PRAMEF2: variants seen among roughly 807,000 people sequenced by gnomAD.
The protein encoded by PRAMEF2 is PRAME family member 2.
Under a neutral mutation model 38.0 loss-of-function variants are expected in PRAMEF2, and 35 were observed. The observed-to-expected ratio is 0.92, with a 90% CI of 0.70 to 1.22. PRAMEF2 has a LOEUF of 1.22. Among genes scored for constraint, PRAMEF2 ranks in the 50% most tolerant of loss-of-function variants. The pLI is 0.00. For missense variants in PRAMEF2, 562 were observed against 553.9 expected, an observed-to-expected ratio of 1.01 and a Z score of -0.15; for synonymous variants, 240 against 232.4, an observed-to-expected ratio of 1.03 and a Z score of -0.30.
intron 3 of PRAMEF2, among the ~76,000 whole-genome samples, chr1:12,860,829 G>T (rs1443625972): frequency 6.7e-6 from 1 of 150,098 alleles, no homozygotes; most frequent in Non-Finnish European, 1.5e-5. Flanking sequence ...CAGTTGGTTT[G>T]CAGATGCAGG....
In PRAMEF2 at chr1:12,861,498, T is replaced by A; in HGVS notation, c.1144T>A (p.Phe382Ile). 1 of 1,606,132 alleles carries A rather than the reference T, an allele frequency of 6.2e-7. No homozygotes were observed. The highest frequency in any genetic ancestry group is 2.2e-5 in the East Asian group (1 of 44,748). Residue 382 changes from phenylalanine to isoleucine, a missense_variant, in exon 4 of 4, where the codon TTC becomes ATC. By Grantham distance (21) the Phe-to-Ile change is conservative. This residue lies in a region of PRAMEF2 where 486 missense variants were observed against 444.2 expected (regional missense o/e 1.09). Coordinates refer to ENST00000240189, the MANE Select transcript of PRAMEF2 (RefSeq NM_023014.1). The part of the protein sequence containing the change: ...GLSCCSQLTT[F>I]YFGSNCMSID... ...GAGCTGCTGCTCCCAGCTCACCACC[T>A]TCTACTTTGGCAGCAATTGCATGTC...
Position 12,860,012 on chromosome 1 carries a change from T to A in PRAMEF2, c.607T>A (p.Tyr203Asn). ...TCTCAGAAAGTCATTGAAAATAATA[T>A]ACATTAATAGTATTGGGGAGCTGGA... ...KYLRKSLKII[Y>N]INSIGELEIH... The change falls in exon 3 of 4, where the codon TAC (tyrosine) becomes AAC (asparagine). Residue 203 changes from tyrosine to asparagine, a missense_variant. By Grantham distance (143) the Tyr-to-Asn change is moderately radical. Transcript: ENST00000240189. 1.2e-6 allele frequency: 2 copies of A among 1,601,768 alleles called. No individual in the cohort carries two copies. Among genetic ancestry groups the A allele is most frequent in the Non-Finnish European group, 8.5e-7 (1 of 1,173,556 alleles).
Position 12,859,676 on chromosome 1 carries a change from C to T in PRAMEF2, c.288-17C>T, listed in dbSNP as rs1557628115. On this transcript the variant is annotated splice_polypyrimidine_tract_variant and intron_variant, in intron 2 of 3. Coordinates refer to ENST00000240189, the MANE Select transcript of PRAMEF2 (RefSeq NM_023014.1). ...AGTCCCTCTAAATTCTGAGCCTCTCCCTTACTTTACCCACAGGAGGTGGAA... is the reference window on the plus strand; with the variant it reads ...AGTCCCTCTAAATTCTGAGCCTCTCTCTTACTTTACCCACAGGAGGTGGAA... 3 of 1,605,666 alleles carry T rather than the reference C, an allele frequency of 1.9e-6. No homozygotes were observed. Among genetic ancestry groups the T allele is most frequent in the South Asian group, 2.2e-5 (2 of 90,778 alleles).
chr1:12,861,669 T>A lies in PRAMEF2; in HGVS notation c.1315T>A (p.Cys439Ser). Residue 439 changes from cysteine (C) to serine (S), a missense_variant, in exon 4 of 4, where the codon TGT becomes AGT. Physicochemically the swap from Cys to Ser is moderately radical, Grantham distance 112. Transcript: ENST00000240189. ...IFTPLRAELM[C>S]TLREFRQPKR... ...CACCCCACTTCGGGCTGAGCTGATG[T>A]GTACACTGAGGGAATTCAGGCAGCC... 6.3e-7 allele frequency: 1 copy of A among 1,580,492 alleles called. No individual in the cohort carries two copies. Among genetic ancestry groups the A allele is most frequent in the Non-Finnish European group, 8.6e-7 (1 of 1,159,566 alleles).
At chr1:12,860,705 T>C (rs60803192) in intron 3 of PRAMEF2, among the ~76,000 whole-genome samples, 6,773 of 149,492 alleles carry the variant, frequency 0.045, 106 homozygotes, top group East Asian at 0.22. Context: ...GATCCTGTCT[T>C]TAATTCCCTG....
At position 12,859,189 on chromosome 1, in the gene PRAMEF2, T is replaced by C. The variant is rs772704873; in HGVS notation, c.180T>C (p.Pro60=). 18 of 1,609,436 alleles carry C rather than the reference T, an allele frequency of 1.1e-5. No homozygotes were observed. The highest frequency in any genetic ancestry group is 2.7e-5 in the African/African-American group (2 of 74,438). Residue 60 remains proline (P), a synonymous_variant, in exon 2 of 4, where the codon CCT becomes CCC. Coordinates refer to ENST00000240189, the MANE Select transcript of PRAMEF2 (RefSeq NM_023014.1). ...QTLTVMVQAW[P]FTCLPLVSLM... ...TGACGGTGATGGTGCAGGCCTGGCC[T>C]TTCACCTGCCTCCCTCTGGTATCGC... is the stretch of plus-strand genomic sequence containing the variant.
At chr1:12,858,821 C>A (rs200470415) in intron 1 of PRAMEF2, among the ~76,000 whole-genome samples, 164 bp from the exon 2 acceptor site, 2 of 132,532 alleles carry the variant, frequency 1.5e-5, no homozygotes, top group Non-Finnish European at 1.7e-5. Flanking sequence ...TTCCTGGTAC[C>A]AGCAGAAGCA....
In PRAMEF2 at chr1:12,861,801, A is replaced by T; in HGVS notation, c.*22A>T. On this transcript the variant is annotated 3_prime_UTR_variant, in exon 4 of 4. Transcript: ENST00000240189. ...CTAGGGAAGGCGTGCCCAGTGGGGT[A>T]GAGAAATCCAAAGTTCTCTTCCAGG... 2 of 1,576,968 alleles carry T rather than the reference A, an allele frequency of 1.3e-6. No homozygotes were observed. The highest frequency in any genetic ancestry group is 8.6e-7 in the Non-Finnish European group (1 of 1,160,804).
intron 1 of PRAMEF2, among the ~76,000 whole-genome samples, chr1:12,857,454 A>G (rs1246810861): frequency 6.8e-6 from 1 of 146,490 alleles, no homozygotes; most frequent in African/African-American, 2.5e-5. Flanking sequence ...CCTTTCAATT[A>G]CAGTTCATAG....
At position 12,860,023 on chromosome 1, in the gene PRAMEF2, T is replaced by A. The variant is rs1285958565; in HGVS notation, c.618T>A (p.Ser206Arg). The A allele has an allele frequency of 3.1e-6, 5 of 1,606,694 alleles. No individual in the cohort carries two copies. Among genetic ancestry groups the A allele is most frequent in the African/African-American group, 2.7e-5 (2 of 74,282 alleles). Residue 206 changes from serine (S) to arginine (R), a missense_variant, in exon 3 of 4, where the codon AGT (serine) becomes AGA (arginine). By Grantham distance (110) the Ser-to-Arg change is moderately radical (BLOSUM62 -1). Around this residue, in one of 2 missense-constraint regions of PRAMEF2, gnomAD observed 486 missense variants for 444.2 expected, o/e 1.09. Transcript: ENST00000240189. The part of the protein sequence containing the change: ...RKSLKIIYIN[S>R]IGELEIHNTC... ...CATTGAAAATAATATACATTAATAG[T>A]ATTGGGGAGCTGGAAATTCACAACA...
At chr1:12,858,954 G>A (rs1406836726) in intron 1 of PRAMEF2, 31 bp from the exon 2 acceptor site, 2 of 1,576,678 alleles carry the variant, frequency 1.3e-6, no homozygotes, top group Admixed American at 3.7e-5. Context: ...TGCCCTGAGA[G>A]TGATACATTC....
Position 12,861,219 on chromosome 1 carries a change from A to G in PRAMEF2, c.867-2A>G. 6.2e-7 allele frequency: 1 copy of G among 1,606,072 alleles called. No individual in the cohort carries two copies. Among genetic ancestry groups the G allele is most frequent in the Admixed American group, 1.7e-5 (1 of 58,234 alleles). On this transcript the variant is annotated splice_acceptor_variant, in intron 3 of 3. Transcript: ENST00000240189. LOFTEE classifies it high-confidence loss of function. Reference sequence around the variant, plus strand: ...CCAGAACTAACTTCTTGATCTCCACAGGTGCCTCCAGAACCCCTTGGAGAA... The same window carrying G: ...CCAGAACTAACTTCTTGATCTCCACGGGTGCCTCCAGAACCCCTTGGAGAA...
Position 12,860,677 on chromosome 1 carries a change from G to A in PRAMEF2, c.866+406G>A, listed in dbSNP as rs1266740732. The stretch of plus-strand genomic sequence containing the variant: ...TCACAATAGAACGTCTGTCCTCACC[G>A]GCTTAGTGATCACGAATGATCCTGT... On this transcript the variant is annotated intron_variant, in intron 3 of 3. Transcript: ENST00000240189. Among the ~76,000 whole-genome samples, 5 of 150,114 alleles carry A rather than the reference G, an allele frequency of 3.3e-5. 1 individual carries two copies. Among genetic ancestry groups the A allele is most frequent in the South Asian group, 2.1e-4 (1 of 4,672 alleles).
Position 12,858,891 on chromosome 1 carries a change from A to C in PRAMEF2, c.-25-94A>C, listed in dbSNP as rs753055723. The C allele has an allele frequency of 4.4e-4, 624 of 1,407,844 alleles. 9 individuals carry two copies. Among genetic ancestry groups the C allele is most frequent in the Non-Finnish European group, 5.4e-4 (564 of 1,038,044 alleles). 87.2% of individuals were successfully genotyped at this position (1,407,844 alleles called of 1,614,324 possible). The stretch of plus-strand genomic sequence containing the variant: ...ATTGGGGTAAAGTGGTAATTTTTCT[A>C]CCTCTACCAGAGCAATGATATTGGT... On this transcript the variant is annotated intron_variant, in intron 1 of 3. Coordinates refer to ENST00000240189, the MANE Select transcript of PRAMEF2 (RefSeq NM_023014.1).
chr1:12,859,409 C>T (rs200583219), intron 2 of PRAMEF2, 113 bp downstream of exon 2: 32,653 of 1,520,768 alleles, frequency 0.021, 620 homozygotes, highest in South Asian at 0.038. Flanking sequence ...ATGGTGTTGG[C>T]GAGGAAGCTC....
Position 12,860,269 on chromosome 1 carries a change from C to T in PRAMEF2, c.864C>T (p.Ile288=), listed in dbSNP as rs758739966. The T allele has an allele frequency of 1.2e-6, 2 of 1,606,774 alleles. No homozygotes were observed. Among genetic ancestry groups the T allele is most frequent in the East Asian group, 2.2e-5 (1 of 44,704 alleles). The change falls in exon 3 of 4, where the codon ATC becomes ATT. Residue 288 remains isoleucine, a splice_region_variant and synonymous_variant. Coordinates refer to ENST00000240189, the MANE Select transcript of PRAMEF2 (RefSeq NM_023014.1). ...TCAGTGGGCACCTGGAACAGCTGAT[C>T]AGGTGAGAAAGGATTGTGCACTTTG... ...TFFSGHLEQL[I]RCLQNPLENL...
chr1:12,858,891 A>G (rs753055723), intron 1 of PRAMEF2, 94 bp from the exon 2 acceptor site: 3 of 1,407,952 alleles, frequency 2.1e-6, no homozygotes, highest in Middle Eastern at 2.6e-4. Flanking sequence ...TAATTTTTCT[A>G]CCTCTACCAG....
At chr1:12,859,647 G>T (rs779886267) in intron 2 of PRAMEF2, 46 bp from the exon 3 acceptor site, 8 of 1,604,092 alleles carry the variant, frequency 5.0e-6, no homozygotes, top group Non-Finnish European at 6.8e-6. Context: ...AAAGGTCAGG[G>T]ATGAGTCCCT....
chr1:12,859,547 A>C, intron 2 of PRAMEF2, 146 bp from the exon 3 acceptor site: 1 of 1,480,038 alleles, frequency 6.8e-7, no homozygotes, highest in Non-Finnish European at 9.1e-7. Context: ...GACCACTCAG[A>C]ATCCAAAGGG....
Sources: allele counts gnomAD v4.1 joint callset (sites outside exome capture counted in the v4.1 genomes callset), GRCh38; gene constraint gnomAD v4.1.1; regional missense constraint gnomAD v4.1.1; transcripts MANE v1.5; gene names NCBI Gene and HGNC (gene_info 2026-07-23, HGNC 2026-07-21).